Variants in FRAS1 observed in about 807,000 individuals in gnomAD.
FRAS1 encodes the protein Fraser extracellular matrix complex subunit 1.
FRAS1 carries 290 observed loss-of-function variants against 435.2 expected under a neutral mutation model. That is an observed-to-expected ratio of 0.67 (90% CI 0.61 to 0.73). The LOEUF is 0.73. FRAS1 is among the 30% of genes least tolerant of loss of function. The probability of loss-of-function intolerance (pLI) is 0.00; values close to 1 mark genes in which losing one functional copy is unlikely to be tolerated. For synonymous variants in FRAS1, 1,800 were observed against 1,851.0 expected, an observed-to-expected ratio of 0.97 and a Z score of 0.71; for missense variants, 4,860 against 5,001.5, an observed-to-expected ratio of 0.97 and a Z score of 0.85.
At chr4:78,490,287 A>G (rs554401369) in intron 59 of FRAS1, among the ~76,000 whole-genome samples, 1 of 152,318 alleles carries the variant, frequency 6.6e-6, no homozygotes, top group Admixed American at 6.5e-5. Flanking sequence ...ACTTGAACTC[A>G]GCTCTGGACC....
At chr4:78,225,416 G>A (rs1724227875) in intron 2 of FRAS1, among the ~76,000 whole-genome samples, 1 of 152,118 alleles carries the variant, frequency 6.6e-6, no homozygotes, top group South Asian at 2.1e-4. Flanking sequence ...CCAGGGAGGC[G>A]GTTTGTCTGG....
At chr4:78,338,090 A>G in intron 20 of FRAS1, 2 of 347,762 alleles carry the variant, frequency 5.8e-6, no homozygotes, top group Non-Finnish European at 1.1e-5. Context: ...GCACCTTTAT[A>G]TGCATTCAAA....
intron 1 of FRAS1, among the ~76,000 whole-genome samples, chr4:78,058,714 T>C (rs1739595762): frequency 6.6e-6 from 1 of 152,166 alleles, no homozygotes; most frequent in African/African-American, 2.4e-5. Context: ...TTCTTTTACT[T>C]CACCCTCCGC....
Position 78,267,463 on chromosome 4 carries a change from G to C in FRAS1, c.981+31G>C, listed in dbSNP as rs775864347. On this transcript the variant is annotated intron_variant, in intron 9 of 73. Transcript: ENST00000512123. ...AAGCAGGGGCATTTCCATTTGGAAC[G>C]TTGCAGCTCTTTCCAACGGGATAGT... is the stretch of plus-strand genomic sequence containing the variant. 4 of 1,598,104 alleles carry C rather than the reference G, an allele frequency of 2.5e-6. No homozygotes were observed. In the South Asian group the frequency reaches 3.4e-5, roughly 14 times the overall value.
At chr4:78,341,876 A>G (rs1364865555) in intron 20 of FRAS1, among the ~76,000 whole-genome samples, 1 of 152,162 alleles carries the variant, frequency 6.6e-6, no homozygotes, top group Non-Finnish European at 1.5e-5. Flanking sequence ...ATAAATTGAC[A>G]GGTTTCTTAC....
chr4:78,501,607 C>G (rs1460610713), intron 61 of FRAS1, among the ~76,000 whole-genome samples: 2 of 152,190 alleles, frequency 1.3e-5, no homozygotes, highest in South Asian at 2.1e-4. Context: ...TCCTATTTCT[C>G]CACATCCTCT....
At chr4:78,173,996 G>T (rs1179249344) in intron 2 of FRAS1, among the ~76,000 whole-genome samples, 2 of 152,188 alleles carry the variant, frequency 1.3e-5, no homozygotes, top group African/African-American at 4.8e-5. Context: ...GTGTAACTGG[G>T]TGCTACGTGA....
chr4:78,423,702 T>C (rs1299033976), intron 34 of FRAS1, among the ~76,000 whole-genome samples: 2 of 152,222 alleles, frequency 1.3e-5, no homozygotes, highest in African/African-American at 4.8e-5. Context: ...TGAAAATCTC[T>C]AACGGTGGGT....
intron 70 of FRAS1, among the ~76,000 whole-genome samples, chr4:78,527,257 T>C (rs1210320388): frequency 2.0e-5 from 3 of 152,174 alleles, no homozygotes; most frequent in Non-Finnish European, 4.4e-5. Flanking sequence ...TTGTGAATAA[T>C]GAGACTCAAC....
chr4:78,459,785 G>A (rs752184899), intron 47 of FRAS1, among the ~76,000 whole-genome samples: 2 of 152,154 alleles, frequency 1.3e-5, no homozygotes, highest in East Asian at 1.9e-4. Context: ...GGAAGGACCC[G>A]CCCCAGGCCT....
chr4:78,321,309 C>T (rs1729494056), intron 18 of FRAS1, among the ~76,000 whole-genome samples: 1 of 152,106 alleles, frequency 6.6e-6, no homozygotes, highest in South Asian at 2.1e-4. Flanking sequence ...GTCATGTAGC[C>T]AGCACAGAGT....
At position 78,315,731 on chromosome 4, in the gene FRAS1, A is replaced by G. The variant is rs370792810; in HGVS notation, c.1816A>G (p.Lys606Glu). The change falls in exon 16 of 74, where the codon AAA (lysine) becomes GAA (glutamate). Residue 606 changes from lysine (K) to glutamate (E), a missense_variant. By Grantham distance (56) the Lys-to-Glu change is moderately conservative. Coordinates refer to ENST00000512123, the MANE Select transcript of FRAS1 (RefSeq NM_025074.7). The stretch of plus-strand genomic sequence containing the variant: ...CTATGCTGATGCCACTGGCAGGTGC[A>G]AAGGTAAGAGATGGGTCACCATCAT... Reference protein sequence around the residue: ...GYYADATGRCKVCHNSCASCS... With the variant: ...GYYADATGRCEVCHNSCASCS... 4.3e-6 allele frequency: 7 copies of G among 1,613,866 alleles called. No individual in the cohort carries two copies. The African/African-American group carries it at 6.7e-5, about 15-fold the overall frequency.
rs532313648 is a variant in FRAS1 at position 78,266,756 on chromosome 4, G to T, written c.688-78G>T. 14 of 1,021,474 alleles carry T rather than the reference G, an allele frequency of 1.4e-5. No homozygotes were observed. The South Asian group carries it at 1.5e-4, about 11-fold the overall frequency. 63.3% of individuals were successfully genotyped at this position (1,021,474 alleles called of 1,614,324 possible). A position where few individuals can be genotyped will look rare whatever the true frequency, so the allele number is the denominator to read the frequency against. On this transcript the variant is annotated intron_variant, in intron 7 of 73. Coordinates refer to ENST00000512123, the MANE Select transcript of FRAS1 (RefSeq NM_025074.7). ...ATCTTACAAATGTAATGAAAATTGG[G>T]TGTCTTATGTGACAGTGCTTCTATT...
Position 78,515,881 on chromosome 4 carries a change from C to G in FRAS1, c.10257C>G (p.Ser3419Arg), listed in dbSNP as rs367736604. The change falls in exon 66 of 74, where the codon AGC becomes AGG. Residue 3419 changes from serine (S) to arginine (R), a missense_variant. Transcript: ENST00000512123. ...GYDRPFQFDP[S>R]VREPKTIQLY... ...ATCGCCCCTTCCAGTTTGACCCCAG[C>G]GTGCGAGAGCCGAAGACCATCCAGC... is the stretch of plus-strand genomic sequence containing the variant. 1.3e-4 allele frequency: 205 copies of G among 1,613,988 alleles called. 1 individual carries two copies. The South Asian group carries it at 1.3e-3, about 10-fold the overall frequency.
rs759580321 is a variant in FRAS1, at chr4:78,534,612, A to G, written c.11089A>G (p.Lys3697Glu). Reference protein sequence around the residue: ...AEMDYKGAFSKGQILYGRVLW... With the variant: ...AEMDYKGAFSEGQILYGRVLW... ...AATGGATTACAAAGGAGCCTTTTCA[A>G]AAGGTGAGTTGCTTCCTCCACCTGC... Residue 3697 changes from lysine to glutamate, a missense_variant, in exon 71 of 74, where the codon AAA (lysine) becomes GAA (glutamate). Lys to Glu is a moderately conservative substitution (Grantham distance 56). Transcript: ENST00000512123. The G allele has an allele frequency of 6.2e-7, 1 of 1,612,498 alleles. No homozygotes were observed. The highest frequency in any genetic ancestry group is 8.5e-7 in the Non-Finnish European group (1 of 1,178,986).
intron 30 of FRAS1, among the ~76,000 whole-genome samples, chr4:78,401,891 T>C (rs1409963676): frequency 1.3e-5 from 2 of 151,524 alleles, no homozygotes; most frequent in African/African-American, 4.8e-5. Context: ...TTGAAACTAA[T>C]AGAAACTACC....
chr4:78,294,197 G>C (rs1207004334), intron 14 of FRAS1, among the ~76,000 whole-genome samples: 1 of 152,204 alleles, frequency 6.6e-6, no homozygotes, highest in Admixed American at 6.5e-5. Context: ...CCTTGTTGTT[G>C]CTGCTGAGAT....
At chr4:78,241,213 A>G (rs574216763) in intron 3 of FRAS1, among the ~76,000 whole-genome samples, 2 of 152,312 alleles carry the variant, frequency 1.3e-5, no homozygotes, top group Non-Finnish European at 2.9e-5. Context: ...TGAATCTCCC[A>G]TCCCCAACCA....
chr4:78,373,461 A>G (rs1731594715), intron 24 of FRAS1, among the ~76,000 whole-genome samples: 1 of 148,096 alleles, frequency 6.8e-6, no homozygotes, highest in South Asian at 2.1e-4. Context: ...AATAATAATA[A>G]TAATAATAAT....
Sources: allele counts gnomAD v4.1 joint callset (sites outside exome capture counted in the v4.1 genomes callset), GRCh38; gene constraint gnomAD v4.1.1; transcripts MANE v1.5; gene names NCBI Gene and HGNC (gene_info 2026-07-23, HGNC 2026-07-21).